The following B3GNT3 variants were observed in gnomAD, a reference collection of about 807,000 sequenced individuals.
The protein encoded by B3GNT3 is UDP-GlcNAc:betaGal beta-1,3-N-acetylglucosaminyltransferase 3, also known as N-acetyllactosaminide beta-1,3-N-acetylglucosaminyltransferase 3.
In B3GNT3, 7 loss-of-function variants were observed where a neutral mutation model predicts 11.6. The ratio of observed to expected loss-of-function variants is 0.60; its 90% CI spans 0.34 to 1.13. The LOEUF (loss-of-function observed/expected upper bound fraction) is 1.13. Among genes scored for constraint, B3GNT3 ranks in the 50% most tolerant of loss-of-function variants. The pLI, the probability that B3GNT3 is intolerant of heterozygous loss-of-function variation, is 0.03. For missense variants in B3GNT3, 400 were observed against 507.4 expected, an observed-to-expected ratio of 0.79 and a Z score of 2.03; for synonymous variants, 201 against 222.1, an observed-to-expected ratio of 0.90 and a Z score of 0.85.
chr19:17,802,777 A>T (rs2094167843), intron 1 of B3GNT3, among the ~76,000 whole-genome samples: 1 of 152,086 alleles, frequency 6.6e-6, no homozygotes, highest in South Asian at 2.1e-4. Context: ...TCCAGGGCTC[A>T]AGTGATCCTC....
chr19:17,811,601 T>C lies in B3GNT3; in HGVS notation c.598T>C (p.Cys200Arg). The C allele has an allele frequency of 1.2e-6, 2 of 1,612,618 alleles. No homozygotes were observed. Among genetic ancestry groups the C allele is most frequent in the Non-Finnish European group, 1.7e-6 (2 of 1,179,070 alleles). The change falls in exon 3 of 3, where the codon TGC becomes CGC. Residue 200 changes from cysteine to arginine, a missense_variant. By Grantham distance (180) the Cys-to-Arg change is radical (BLOSUM62 -3). Transcript: ENST00000318683. This position sits in a 1 kb window ranked among gnomAD's most constrained non-coding sequence, Gnocchi z 4.1. ...GTTCTTACAGTGGCAGGAGACAAGGTGCGCCAACGCCAGCTTCGTGCTCAA... is the reference window on the plus strand; with the variant it reads ...GTTCTTACAGTGGCAGGAGACAAGGCGCGCCAACGCCAGCTTCGTGCTCAA... Reference protein sequence around the residue: ...VLFLQWQETRCANASFVLNGD... With the variant: ...VLFLQWQETRRANASFVLNGD...
rs202205669 is a variant in B3GNT3 at position 17,807,829 on chromosome 19, C to T, written c.22C>T (p.Arg8Trp). Residue 8 changes from arginine (R) to tryptophan (W), a missense_variant, in exon 2 of 3, where the codon CGG becomes TGG. Transcript: ENST00000318683. Reference sequence around the variant, plus strand: ...CAGGATGAAGTATCTCCGGCACCGGCGGCCCAATGCCACCCTCATTCTGGC... The same window carrying T: ...CAGGATGAAGTATCTCCGGCACCGGTGGCCCAATGCCACCCTCATTCTGGC... Reference protein sequence around the residue: MKYLRHRRPNATLILAIG... With the variant: MKYLRHRWPNATLILAIG... 1.9e-6 allele frequency: 3 copies of T among 1,611,196 alleles called. No homozygotes were observed. Among genetic ancestry groups the T allele is most frequent in the Non-Finnish European group, 2.5e-6 (3 of 1,178,324 alleles).
rs775504507 is a variant in B3GNT3 at position 17,811,789 on chromosome 19, G to A, written c.786G>A (p.Glu262=). Residue 262 remains glutamate, a synonymous_variant, in exon 3 of 3, where the codon GAG becomes GAA. Transcript: ENST00000318683. The surrounding 1 kb of genome is among the most constrained non-coding windows in gnomAD (Gnocchi z 4.1). ...TGCCAGAGGTGGTGACTCAGAATGA[G>A]CGGTACCCACCCTATTGTGGGGGTG... The part of the protein sequence containing the change: ...YYVPEVVTQN[E]RYPPYCGGGG... 27 of 1,614,260 alleles carry A rather than the reference G, an allele frequency of 1.7e-5. No individual in the cohort carries two copies. The South Asian group carries it at 2.7e-4, about 16-fold the overall frequency.
intron 2 of B3GNT3, among the ~76,000 whole-genome samples, chr19:17,809,380 C>T (rs1055271432): frequency 1.3e-5 from 2 of 151,882 alleles, no homozygotes; most frequent in African/African-American, 4.8e-5. Flanking sequence ...TTGAGGCCAG[C>T]CTGAGCCACA....
chr19:17,806,179 C>T (rs2094172810), intron 1 of B3GNT3, among the ~76,000 whole-genome samples: 1 of 151,630 alleles, frequency 6.6e-6, no homozygotes, highest in Non-Finnish European at 1.5e-5. Context: ...GTGGGTTTCC[C>T]CATGTTGGCC....
intron 1 of B3GNT3, among the ~76,000 whole-genome samples, chr19:17,798,539 C>T (rs747379760): frequency 3.3e-5 from 5 of 152,004 alleles, no homozygotes; most frequent in African/African-American, 4.8e-5. Flanking sequence ...GGCATGGTAA[C>T]GCACACCTGT....
intron 1 of B3GNT3, among the ~76,000 whole-genome samples, chr19:17,800,290 G>A (rs912672728): frequency 2.0e-5 from 3 of 151,834 alleles, no homozygotes; most frequent in South Asian, 2.1e-4. Flanking sequence ...CAGGAGGATC[G>A]CTTGAAACCA....
chr19:17,802,079 T>A (rs540978756), intron 1 of B3GNT3, among the ~76,000 whole-genome samples: 37 of 150,726 alleles, frequency 2.5e-4, no homozygotes, highest in Non-Finnish European at 4.9e-4. Flanking sequence ...CCTAGCAAGA[T>A]TCTGTCTCCA....
At chr19:17,808,416 T>C in intron 2 of B3GNT3, 42 bp downstream of exon 2, 1 of 1,546,698 alleles carries the variant, frequency 6.5e-7, no homozygotes, top group African/African-American at 1.4e-5. Context: ...CACCTGTCCT[T>C]CTTGTCCAAA....
rs558165453 is a variant in B3GNT3 at position 17,812,417 on chromosome 19, C to T, written c.*295C>T. 18 of 370,038 alleles carry T rather than the reference C, an allele frequency of 4.9e-5. No individual in the cohort carries two copies. Among genetic ancestry groups the T allele is most frequent in the South Asian group, 1.2e-4 (3 of 25,932 alleles). 22.9% of individuals were successfully genotyped at this position (370,038 alleles called of 1,614,324 possible). On this transcript the variant is annotated 3_prime_UTR_variant, in exon 3 of 3. Transcript: ENST00000318683. ...CTAGAGTTCCAACTGTGGATGCATC[C>T]GTCCCGTTTGAGTCAAAGTCTTACT...
chr19:17,809,227 T>C (rs914985691), intron 2 of B3GNT3, among the ~76,000 whole-genome samples: 2 of 152,148 alleles, frequency 1.3e-5, no homozygotes, highest in East Asian at 1.9e-4. Flanking sequence ...ATGCCTAGAA[T>C]AGATTCAGGT....
intron 1 of B3GNT3, among the ~76,000 whole-genome samples, chr19:17,803,873 T>G (rs1022256769): frequency 3.3e-5 from 5 of 151,144 alleles, no homozygotes; most frequent in African/African-American, 1.2e-4. Flanking sequence ...AAAAAAAAAT[T>G]TTTAATTAGC....
intron 1 of B3GNT3, among the ~76,000 whole-genome samples, chr19:17,795,420 C>CG (rs1458414355): frequency 6.6e-6 from 1 of 152,218 alleles, no homozygotes; most frequent in Non-Finnish European, 1.5e-5. Context: ...GGACCTGGGT[C>CG]GGGGAGGAAG....
chr19:17,811,885 C>T lies in B3GNT3; in HGVS notation c.882C>T (p.Pro294=), dbSNP rs774672516. The T allele has an allele frequency of 1.2e-6, 2 of 1,614,122 alleles. No homozygotes were observed. Among genetic ancestry groups the T allele is most frequent in the East Asian group, 2.2e-5 (1 of 44,886 alleles). The change falls in exon 3 of 3, where the codon CCC becomes CCT. Residue 294 remains proline (P), a synonymous_variant. Transcript: ENST00000318683. The surrounding 1 kb of genome is among the most constrained non-coding windows in gnomAD (Gnocchi z 4.1). ...RRAAHVLDIF[P]IDDVFLGMCL... Reference sequence around the variant, plus strand: ...CTGCCCATGTCTTGGACATCTTCCCCATTGATGATGTCTTCCTGGGTATGT... The same window carrying T: ...CTGCCCATGTCTTGGACATCTTCCCTATTGATGATGTCTTCCTGGGTATGT...
Position 17,812,050 on chromosome 19 carries a change from T to C in B3GNT3, c.1047T>C (p.Tyr349=). 5 of 1,599,222 alleles carry C rather than the reference T, an allele frequency of 3.1e-6. No homozygotes were observed. Among genetic ancestry groups the C allele is most frequent in the Non-Finnish European group, 3.4e-6 (4 of 1,179,914 alleles). Residue 349 remains tyrosine, a synonymous_variant, in exon 3 of 3, where the codon TAT becomes TAC. Coordinates refer to ENST00000318683, the MANE Select transcript of B3GNT3 (RefSeq NM_014256.4). The part of the protein sequence containing the change: ...DLLLVHRFLP[Y]EMLLMWDALN... Reference sequence around the variant, plus strand: ...TGCTGGTGCACCGCTTCCTACCTTATGAGATGCTGCTCATGTGGGATGCGC... The same window carrying C: ...TGCTGGTGCACCGCTTCCTACCTTACGAGATGCTGCTCATGTGGGATGCGC...
intron 1 of B3GNT3, among the ~76,000 whole-genome samples, chr19:17,800,464 C>T (rs1395400446): frequency 6.6e-6 from 1 of 152,116 alleles, no homozygotes; most frequent in Non-Finnish European, 1.5e-5. Context: ...GCCTTGACTG[C>T]CCCCTGGGAG....
chr19:17,812,133 G>A lies in B3GNT3; in HGVS notation c.*11G>A. On this transcript the variant is annotated 3_prime_UTR_variant, in exon 3 of 3. Coordinates refer to ENST00000318683, the MANE Select transcript of B3GNT3 (RefSeq NM_014256.4). The stretch of plus-strand genomic sequence containing the variant: ...ACACAGATCTACTGAGTCAGCATCA[G>A]GGTCCCCAGCCTCTGGGCTCCTGTT... 1 of 1,576,696 alleles carries A rather than the reference G, an allele frequency of 6.3e-7. No homozygotes were observed. Among genetic ancestry groups the A allele is most frequent in the Non-Finnish European group, 8.6e-7 (1 of 1,168,268 alleles).
chr19:17,811,629 G>T lies in B3GNT3; in HGVS notation c.626G>T (p.Gly209Val). 1 of 1,614,194 alleles carries T rather than the reference G, an allele frequency of 6.2e-7. No individual in the cohort carries two copies. The highest frequency in any genetic ancestry group is 8.5e-7 in the Non-Finnish European group (1 of 1,180,010). Residue 209 changes from glycine to valine, a missense_variant, in exon 3 of 3, where the codon GGG (glycine) becomes GTG (valine). Physicochemically the swap from Gly to Val is moderately radical, Grantham distance 109. Coordinates refer to ENST00000318683, the MANE Select transcript of B3GNT3 (RefSeq NM_014256.4). This position sits in a 1 kb window ranked among gnomAD's most constrained non-coding sequence, Gnocchi z 4.1. ...GCCAACGCCAGCTTCGTGCTCAACGGGGATGATGACGTCTTTGCACACACA... is the reference window on the plus strand; with the variant it reads ...GCCAACGCCAGCTTCGTGCTCAACGTGGATGATGACGTCTTTGCACACACA... ...RCANASFVLNGDDDVFAHTDN... is the reference protein window; with the variant it reads ...RCANASFVLNVDDDVFAHTDN...
rs1291847027 is a variant in B3GNT3 at position 17,811,683 on chromosome 19, A to G, written c.680A>G (p.His227Arg). ...AACATGGTCTTCTACCTGCAGGACCATGACCCTGGCCGCCACCTCTTCGTG... is the reference window on the plus strand; with the variant it reads ...AACATGGTCTTCTACCTGCAGGACCGTGACCCTGGCCGCCACCTCTTCGTG... The part of the protein sequence containing the change: ...TDNMVFYLQD[H>R]DPGRHLFVGQ... The change falls in exon 3 of 3, where the codon CAT becomes CGT. Residue 227 changes from histidine to arginine, a missense_variant. His to Arg is a conservative substitution (Grantham distance 29). Coordinates refer to ENST00000318683, the MANE Select transcript of B3GNT3 (RefSeq NM_014256.4). This position sits in a 1 kb window ranked among gnomAD's most constrained non-coding sequence, Gnocchi z 4.1. The G allele has an allele frequency of 1.2e-5, 19 of 1,614,142 alleles. No homozygotes were observed. Among genetic ancestry groups the G allele is most frequent in the Admixed American group, 1.7e-5 (1 of 60,000 alleles).
Sources: allele counts gnomAD v4.1 joint callset (sites outside exome capture counted in the v4.1 genomes callset), GRCh38; gene constraint gnomAD v4.1.1; non-coding constraint Gnocchi (gnomAD v3.1); transcripts MANE v1.5; gene names NCBI Gene and HGNC (gene_info 2026-07-23, HGNC 2026-07-21).